Variants in KHDRBS2 observed in about 807,000 individuals in gnomAD.
KHDRBS2 encodes the protein KH domain-containing, RNA-binding, signal transduction-associated protein 2.
In KHDRBS2, 26 loss-of-function variants were observed where a neutral mutation model predicts 44.3. The ratio of observed to expected loss-of-function variants is 0.59; its 90% CI spans 0.43 to 0.81. The LOEUF is 0.81. KHDRBS2 is among the 40% of genes least tolerant of loss of function. KHDRBS2 has a pLI of 0.00. For missense variants in KHDRBS2, 476 were observed against 433.1 expected (o/e 1.10, Z -0.88); for synonymous variants, 194 against 151.1 (o/e 1.28, Z -2.08).
rs983526735 is a variant in KHDRBS2 at position 61,681,188 on chromosome 6, T to A, written c.953-128A>T. On this transcript the variant is annotated intron_variant, in intron 8 of 8. Coordinates refer to ENST00000281156, the MANE Select transcript of KHDRBS2 (RefSeq NM_152688.4). Reference sequence around the variant, plus strand: ...TCAACACCGAACGCTAAAGCCTATTTTTTCCACATCGTGAGACCATCAAAA... The same window carrying A: ...TCAACACCGAACGCTAAAGCCTATTATTTCCACATCGTGAGACCATCAAAA... 8 of 643,872 alleles carry A rather than the reference T, an allele frequency of 1.2e-5. No individual in the cohort carries two copies. In the African/African-American group the frequency reaches 1.5e-4, roughly 12 times the overall value. The allele number at this position is 643,872 out of a possible 1,614,324, so 39.9% of individuals were successfully genotyped here.
chr6:61,608,725 G>T, the KHDRBS2 span, among the ~76,000 whole-genome samples: 1 of 152,038 alleles, frequency 6.6e-6, no homozygotes, highest in Non-Finnish European at 1.5e-5. Context: ...TGCTGAGGAT[G>T]ATGGTTTCCA....
intron 7 of KHDRBS2, among the ~76,000 whole-genome samples, chr6:61,711,193 T>A (rs937437583): frequency 1.3e-5 from 2 of 151,664 alleles, no homozygotes; most frequent in African/African-American, 4.8e-5. Context: ...ACACATAGAT[T>A]TGTGGCTATG....
At chr6:62,100,368 G>C (rs1459638008) in intron 2 of KHDRBS2, among the ~76,000 whole-genome samples, 1 of 152,188 alleles carries the variant, frequency 6.6e-6, no homozygotes, top group Non-Finnish European at 1.5e-5. Context: ...TGACAACAAA[G>C]GATTCATAAT....
chr6:62,166,111 T>C (rs1319225719), intron 2 of KHDRBS2, among the ~76,000 whole-genome samples: 1 of 152,058 alleles, frequency 6.6e-6, no homozygotes, highest in African/African-American at 2.4e-5. Context: ...TCAATGTTCA[T>C]CTATGTCGTA....
At chr6:62,036,141 G>A (rs1037505255) in intron 3 of KHDRBS2, among the ~76,000 whole-genome samples, 6 of 151,858 alleles carry the variant, frequency 4.0e-5, no homozygotes, top group Non-Finnish European at 8.8e-5. Flanking sequence ...CTCACTATTT[G>A]CAGAGAGCTG....
At chr6:62,224,201 G>A (rs546715666) in intron 1 of KHDRBS2, among the ~76,000 whole-genome samples, 2 of 152,254 alleles carry the variant, frequency 1.3e-5, no homozygotes, top group South Asian at 2.1e-4. Flanking sequence ...AAGAGAAAAT[G>A]AGAGAGATGC....
intron 4 of KHDRBS2, among the ~76,000 whole-genome samples, chr6:61,942,239 G>A (rs1044779114): frequency 1.3e-5 from 2 of 152,024 alleles, no homozygotes; most frequent in African/African-American, 2.4e-5. Flanking sequence ...GATAATATAG[G>A]TGTGAGCCAT....
At chr6:61,966,434 C>T (rs1192452) in intron 4 of KHDRBS2, among the ~76,000 whole-genome samples, 99,744 of 151,698 alleles carry the variant, frequency 0.66, 32,959 homozygotes, top group African/African-American at 0.73. Context: ...GTAAGTCTCC[C>T]TCATCTTTGA....
At chr6:61,722,993 G>T (rs1412028482) in intron 7 of KHDRBS2, among the ~76,000 whole-genome samples, 2 of 152,126 alleles carry the variant, frequency 1.3e-5, no homozygotes, top group Non-Finnish European at 2.9e-5. Context: ...ACAGGCATGA[G>T]CTGCGGCGAG....
intron 1 of KHDRBS2, among the ~76,000 whole-genome samples, chr6:62,259,556 A>G (rs1254596714): frequency 2.0e-5 from 3 of 151,936 alleles, no homozygotes; most frequent in Non-Finnish European, 4.4e-5. Flanking sequence ...TCAATGTTTT[A>G]TTTTGTTAAT....
intron 6 of KHDRBS2, among the ~76,000 whole-genome samples, chr6:61,763,887 G>A (rs1230953474): frequency 6.6e-6 from 1 of 152,154 alleles, no homozygotes; most frequent in East Asian, 1.9e-4. Flanking sequence ...ATAGGCAAAT[G>A]TGTGCCATGG....
chr6:61,584,700 G>T, the KHDRBS2 span, among the ~76,000 whole-genome samples: 1 of 151,956 alleles, frequency 6.6e-6, no homozygotes, highest in African/African-American at 2.4e-5. Context: ...CAATGTGAGT[G>T]CATACTTCTT....
At chr6:62,031,765 T>A (rs1337451256) in intron 3 of KHDRBS2, among the ~76,000 whole-genome samples, 1 of 152,034 alleles carries the variant, frequency 6.6e-6, no homozygotes, top group Non-Finnish European at 1.5e-5. Flanking sequence ...AGTGCCAGGC[T>A]ACCAGTTGAT....
chr6:61,926,185 A>G (rs540791923), intron 4 of KHDRBS2, among the ~76,000 whole-genome samples: 1 of 152,344 alleles, frequency 6.6e-6, no homozygotes, highest in East Asian at 1.9e-4. Flanking sequence ...AAAAGAGGCA[A>G]ATCATGATAG....
chr6:62,100,120 C>T (rs1175329561), intron 2 of KHDRBS2, among the ~76,000 whole-genome samples: 2 of 152,086 alleles, frequency 1.3e-5, no homozygotes, highest in Admixed American at 6.5e-5. Context: ...AGAGTTGATT[C>T]TAACCATCAT....
the KHDRBS2 span, among the ~76,000 whole-genome samples, chr6:61,602,098 T>C: frequency 1.3e-5 from 2 of 152,144 alleles, no homozygotes; most frequent in Non-Finnish European, 2.9e-5. Flanking sequence ...ATTCTCAATA[T>C]GCATTTTATT....
intron 6 of KHDRBS2, among the ~76,000 whole-genome samples, chr6:61,785,808 T>C (rs1228056717): frequency 6.6e-6 from 1 of 152,160 alleles, no homozygotes; most frequent in African/African-American, 2.4e-5. Context: ...CAAAAGTATA[T>C]ACATTTTTTG....
chr6:61,955,013 T>TAC (rs1341428390), intron 4 of KHDRBS2, among the ~76,000 whole-genome samples: 5 of 143,548 alleles, frequency 3.5e-5, no homozygotes, highest in African/African-American at 1.0e-4. Flanking sequence ...CATATGTATG[T>TAC]ATACACACAT....
intron 2 of KHDRBS2, among the ~76,000 whole-genome samples, chr6:62,071,554 C>T (rs1276792605): frequency 2.6e-5 from 4 of 152,184 alleles, no homozygotes; most frequent in African/African-American, 7.2e-5. Flanking sequence ...CAGCTTTCCA[C>T]ATATGGCTAG....
Sources: allele counts gnomAD v4.1 joint callset (sites outside exome capture counted in the v4.1 genomes callset), GRCh38; gene constraint gnomAD v4.1.1; transcripts MANE v1.5; gene names NCBI Gene and HGNC (gene_info 2026-07-23, HGNC 2026-07-21).